Variants in PRKG1 observed in about 807,000 individuals in gnomAD.
The protein encoded by PRKG1 is protein kinase cGMP-dependent 1.
Under a neutral mutation model 88.1 loss-of-function variants are expected in PRKG1, and 35 were observed. That is an observed-to-expected ratio of 0.40 (90% confidence interval 0.30 to 0.53). The LOEUF (loss-of-function observed/expected upper bound fraction) is 0.53, where lower values mean the gene tolerates loss of function less well. PRKG1 is among the 20% of genes least tolerant of loss of function. The pLI, the probability that PRKG1 is intolerant of heterozygous loss-of-function variation, is 0.59. For synonymous variants in PRKG1, 303 were observed against 292.5 expected (o/e 1.04, Z -0.37); for missense variants, 540 against 839.8 (o/e 0.64, Z 4.41).
intron 3 of PRKG1, among the ~76,000 whole-genome samples, chr10:51,638,637 T>G (rs1839717613): frequency 6.6e-6 from 1 of 152,180 alleles, no homozygotes; most frequent in South Asian, 2.1e-4. Flanking sequence ...AGAAATTCTT[T>G]GTTATAATAT....
In PRKG1 at chr10:51,956,974, TTCTC is replaced by T. The variant is rs577593385; in HGVS notation, c.762+49412_762+49415del. On this transcript the variant is annotated intron_variant, in intron 5 of 17. Transcript: ENST00000373980. ...CTTTCCTTCCTTCCTTCCTTCCTCT[TTCTC>T]TCTCTCTTTCTTTCCTCTTTCTCTT... is the stretch of plus-strand genomic sequence containing the variant. Among the ~76,000 whole-genome samples, 1,118 of 151,158 alleles carry T rather than the reference TTCTC, an allele frequency of 7.4e-3. 8 individuals are homozygous for T. The highest frequency in any genetic ancestry group is 0.011 in the Non-Finnish European group (737 of 67,688).
chr10:51,952,809 A>G (rs1302223370), intron 5 of PRKG1, among the ~76,000 whole-genome samples: 1 of 152,180 alleles, frequency 6.6e-6, no homozygotes, highest in Non-Finnish European at 1.5e-5. Flanking sequence ...TAAAATGGAA[A>G]TGAAAATAAT....
intron 4 of PRKG1, among the ~76,000 whole-genome samples, chr10:51,829,122 G>A (rs1443637536): frequency 6.6e-6 from 1 of 152,148 alleles, no homozygotes; most frequent in Non-Finnish European, 1.5e-5. Context: ...CATTCATGTG[G>A]CTGTTGATAA....
chr10:52,169,819 T>G (rs559790509), intron 9 of PRKG1, among the ~76,000 whole-genome samples: 1 of 152,302 alleles, frequency 6.6e-6, no homozygotes, highest in African/African-American at 2.4e-5. Context: ...TGGAAGATTA[T>G]GGATCTTCAG....
chr10:51,137,737 C>T (rs1301022414), intron 1 of PRKG1, among the ~76,000 whole-genome samples: 5 of 152,236 alleles, frequency 3.3e-5, no homozygotes, highest in Non-Finnish European at 4.4e-5. Context: ...GGTTGATTTA[C>T]GGTAGATTTA....
chr10:51,457,608 A>G (rs189195592), intron 2 of PRKG1, among the ~76,000 whole-genome samples: 3 of 152,342 alleles, frequency 2.0e-5, no homozygotes, highest in Admixed American at 6.5e-5. Flanking sequence ...ACAGAATTAT[A>G]TAACATGTGG....
intron 9 of PRKG1, among the ~76,000 whole-genome samples, chr10:52,243,194 C>T (rs1331460060): frequency 6.6e-6 from 1 of 152,134 alleles, no homozygotes. Context: ...CACGTAAGTG[C>T]TTAGCTGTAG....
Position 51,747,765 on chromosome 10 carries a change from CT to C in PRKG1, c.593-56812del, listed in dbSNP as rs1039292536. Among the ~76,000 whole-genome samples, 15 of 151,888 alleles carry C rather than the reference CT, an allele frequency of 9.9e-5. No homozygotes were observed. In the South Asian group the frequency reaches 2.9e-3, roughly 29 times the overall value. ...GTTTATAGACTTTTAGTACTTAGGA[CT>C]TTTTTTTGGAGAGGGGCACGAGGGT... is the stretch of plus-strand genomic sequence containing the variant. On this transcript the variant is annotated intron_variant, in intron 3 of 17. Transcript: ENST00000373980.
chr10:51,295,626 C>T (rs10996641), intron 2 of PRKG1, among the ~76,000 whole-genome samples: 2,973 of 150,708 alleles, frequency 0.02, 96 homozygotes, highest in African/African-American at 0.068. Context: ...CATTCTATTC[C>T]GATTTCCTTT....
intron 3 of PRKG1, among the ~76,000 whole-genome samples, chr10:51,751,978 G>A (rs1837737308): frequency 2.6e-5 from 4 of 152,070 alleles, no homozygotes; most frequent in South Asian, 2.1e-4. Flanking sequence ...CGTGCATGCT[G>A]GTGACTATTT....
intron 3 of PRKG1, among the ~76,000 whole-genome samples, chr10:51,647,687 T>TAA (rs1839947422): frequency 6.6e-6 from 1 of 152,202 alleles, no homozygotes; most frequent in Non-Finnish European, 1.5e-5. Context: ...TCGTTGTTGA[T>TAA]TTTTTAAGTC....
chr10:51,885,142 T>C (rs1256513116), intron 4 of PRKG1, among the ~76,000 whole-genome samples: 1 of 152,252 alleles, frequency 6.6e-6, no homozygotes, highest in Non-Finnish European at 1.5e-5. Flanking sequence ...ATTGTTGCTT[T>C]ACATGTAATT....
In PRKG1 at chr10:51,176,289, A is replaced by G. The variant is rs7096766; in HGVS notation, c.478+22959A>G. Among the ~76,000 whole-genome samples the G allele has an allele frequency of 5.4e-3, 818 of 152,230 alleles. 7 individuals are homozygous for G. The highest frequency in any genetic ancestry group is 0.018 in the African/African-American group (730 of 41,548). Reference sequence around the variant, plus strand: ...ATTTCTCTCTGTATCAGGGTCATATAGGCAGGCAGGTTTCAAACCCTGTTC... The same window carrying G: ...ATTTCTCTCTGTATCAGGGTCATATGGGCAGGCAGGTTTCAAACCCTGTTC... On this transcript the variant is annotated intron_variant, in intron 2 of 17. Transcript: ENST00000373980.
rs1047741920 is a variant in PRKG1 at position 51,151,289 on chromosome 10, C to T, written c.312-1875C>T. Among the ~76,000 whole-genome samples, 24 of 152,094 alleles carry T rather than the reference C, an allele frequency of 1.6e-4. 1 individual carries two copies. In the East Asian group the frequency reaches 4.6e-3, roughly 29 times the overall value. ...TCAATATGAAGGTGCCACTGCTATT[C>T]TTGAGACCAGGAGTGGTGAAGGTAA... On this transcript the variant is annotated intron_variant, in intron 1 of 17. Coordinates refer to ENST00000373980, the MANE Select transcript of PRKG1 (RefSeq NM_006258.4).
intron 1 of PRKG1, among the ~76,000 whole-genome samples, chr10:51,100,304 G>T (rs1036608889): frequency 6.6e-6 from 1 of 152,160 alleles, no homozygotes; most frequent in Non-Finnish European, 1.5e-5. Context: ...TGAAATGGAT[G>T]CTGTAGACTT....
chr10:51,231,067 T>A (rs1838831686), intron 2 of PRKG1, among the ~76,000 whole-genome samples: 1 of 152,180 alleles, frequency 6.6e-6, no homozygotes, highest in Admixed American at 6.6e-5. Flanking sequence ...GCTTCAGCCC[T>A]TCTTGCTGGG....
chr10:51,880,772 A>G (rs1287850838), intron 4 of PRKG1, among the ~76,000 whole-genome samples: 1 of 152,198 alleles, frequency 6.6e-6, no homozygotes, highest in East Asian at 1.9e-4. Context: ...ACACTAATGT[A>G]TGAGGCAAGA....
chr10:51,030,657 T>C (rs1412303526), intron 1 of PRKG1, among the ~76,000 whole-genome samples: 2 of 152,160 alleles, frequency 1.3e-5, no homozygotes, highest in African/African-American at 4.8e-5. Context: ...GAGGGGATCC[T>C]TCATGAATGG....
chr10:51,881,577 C>T (rs1488264959), intron 4 of PRKG1, among the ~76,000 whole-genome samples: 1 of 152,158 alleles, frequency 6.6e-6, no homozygotes, highest in African/African-American at 2.4e-5. Context: ...CCTCTTATCA[C>T]CTAGCCTTAG....
Sources: gnomAD v4.1 joint callset for allele counts (sites outside exome capture counted in the v4.1 genomes callset) on GRCh38, gnomAD v4.1.1 for gene constraint, MANE v1.5 for transcripts, NCBI Gene and HGNC (gene_info 2026-07-23, HGNC 2026-07-21) for gene names.